FBXL5: variants seen among roughly 807,000 people sequenced by gnomAD.
FBXL5 encodes F-box/LRR-repeat protein 5.
FBXL5 carries 26 observed loss-of-function variants against 78.3 expected under a neutral mutation model. The ratio of observed to expected loss-of-function variants is 0.33; its 90% confidence interval spans 0.24 to 0.46. FBXL5 has a LOEUF of 0.46. Ranked by LOEUF, FBXL5 falls within the 20% of genes least tolerant of loss-of-function variation. The pLI, the probability that FBXL5 is intolerant of heterozygous loss-of-function variation, is 1.00. For missense variants in FBXL5, 710 were observed against 829.2 expected, an observed-to-expected ratio of 0.86 and a Z score of 1.77; for synonymous variants, 295 against 282.5, an observed-to-expected ratio of 1.04 and a Z score of -0.45.
At chr4:15,622,701 T>A (rs1055352613) in intron 9 of FBXL5, among the ~76,000 whole-genome samples, 2 of 152,202 alleles carry the variant, frequency 1.3e-5, no homozygotes, top group South Asian at 2.1e-4. Flanking sequence ...GTGCAAGAAA[T>A]GTAGTAGGTG....
chr4:15,656,441 C>T (rs1199652016), upstream of FBXL5: 1 of 378,172 alleles, frequency 2.6e-6, no homozygotes, highest in Non-Finnish European at 5.2e-6. Context: ...GGGCAAGAAC[C>T]AGATATGCTG....
intron 2 of FBXL5, among the ~76,000 whole-genome samples, 182 bp downstream of exon 2, chr4:15,644,311 T>C (rs1715164060): frequency 6.6e-6 from 1 of 152,212 alleles, no homozygotes; most frequent in African/African-American, 2.4e-5. Context: ...CTCTCTCCAC[T>C]ACTGCAAACT....
In FBXL5 at chr4:15,666,537, CAA is replaced by C. The variant is rs549948370; in HGVS notation, c.-283-6617_-283-6616del. ...GGAATGAGTTGTTGATCAAAGCATG[CAA>C]AGTGTCAGGTAGACAGGAGGAATAG... On this transcript the variant is annotated intron_variant, in intron 1 of 4. Coordinates refer to the FBXL5 transcript ENST00000507899. Among the ~76,000 whole-genome samples, 290 of 150,492 alleles carry C rather than the reference CAA, an allele frequency of 1.9e-3. 1 individual carries two copies. Among genetic ancestry groups the C allele is most frequent in the African/African-American group, 6.6e-3 (272 of 41,460 alleles).
intron 10 of FBXL5, among the ~76,000 whole-genome samples, 191 bp from the exon 11 acceptor site, chr4:15,605,990 T>C (rs1046951883): frequency 3.3e-5 from 5 of 152,226 alleles, no homozygotes; most frequent in Admixed American, 1.3e-4. Flanking sequence ...TTAATTAATA[T>C]ATCCTTCATG....
intron 2 of FBXL5, chr4:15,641,685 G>C (rs1053217128): frequency 1.8e-5 from 8 of 442,978 alleles, no homozygotes; most frequent in Non-Finnish European, 3.1e-5. Flanking sequence ...ACAGCACAGG[G>C]TGTTGGCAAC....
chr4:15,625,004 CTAAG>C (rs1560218163), intron 9 of FBXL5, among the ~76,000 whole-genome samples: 1 of 152,182 alleles, frequency 6.6e-6, no homozygotes, highest in Non-Finnish European at 1.5e-5. Flanking sequence ...TAGCCATTTA[CTAAG>C]TATTTATTAA....
chr4:15,636,271 A>G (rs1352580563), intron 5 of FBXL5: 2 of 391,270 alleles, frequency 5.1e-6, no homozygotes, highest in Admixed American at 4.1e-5. Flanking sequence ...TCCCACAAAT[A>G]TATTTTCCTA....
intron 1 of FBXL5, among the ~76,000 whole-genome samples, chr4:15,652,805 T>TTAC (rs1453169532): frequency 6.6e-6 from 1 of 152,202 alleles, no homozygotes; most frequent in Non-Finnish European, 1.5e-5. Context: ...GAGCCCAAAT[T>TTAC]TGTACAGTGA....
chr4:15,666,407 A>G (rs1336309223), intron 1 of FBXL5, among the ~76,000 whole-genome samples: 1 of 152,112 alleles, frequency 6.6e-6, no homozygotes, highest in African/African-American at 2.4e-5. Flanking sequence ...CTAAAAAAAT[A>G]AAATAAAGAC....
chr4:15,660,696 T>C (rs1430885156), upstream of FBXL5, among the ~76,000 whole-genome samples: 3 of 152,184 alleles, frequency 2.0e-5, no homozygotes, highest in South Asian at 2.1e-4. Flanking sequence ...TATTAATACA[T>C]ATTAATTAAT....
intron 9 of FBXL5, among the ~76,000 whole-genome samples, chr4:15,615,563 C>T (rs1159744867): frequency 2.7e-5 from 4 of 149,814 alleles, no homozygotes; most frequent in Non-Finnish European, 3.0e-5. Context: ...CCAATCGGCA[C>T]TCTGTATCTA....
At chr4:15,648,013 C>T (rs1257078237) in intron 1 of FBXL5, among the ~76,000 whole-genome samples, 1 of 152,120 alleles carries the variant, frequency 6.6e-6, no homozygotes, top group Non-Finnish European at 1.5e-5. Context: ...GTGGTGTGCA[C>T]CACACCCAGT....
chr4:15,609,053 A>G (rs945942664), intron 10 of FBXL5, among the ~76,000 whole-genome samples: 1 of 152,184 alleles, frequency 6.6e-6, no homozygotes, highest in African/African-American at 2.4e-5. Flanking sequence ...GACAACAGAA[A>G]AGGTGAGGGA....
intron 1 of FBXL5, among the ~76,000 whole-genome samples, chr4:15,649,952 A>C (rs1217798750): frequency 6.6e-6 from 1 of 152,218 alleles, no homozygotes; most frequent in Non-Finnish European, 1.5e-5. Flanking sequence ...TTCTACATAC[A>C]CAATGTTAGT....
chr4:15,641,407 A>G (rs1255099853), intron 2 of FBXL5: 1 of 351,158 alleles, frequency 2.8e-6, no homozygotes, highest in South Asian at 2.3e-5. Flanking sequence ...CAGCCTACTC[A>G]ATGTGAAGAC....
upstream of FBXL5, among the ~76,000 whole-genome samples, chr4:15,662,627 C>T (rs149865188): frequency 8.4e-3 from 1,276 of 152,296 alleles, 9 homozygotes; most frequent in Non-Finnish European, 0.012. Context: ...GTGAGCCTCT[C>T]GTCACCATTC....
intron 1 of FBXL5, among the ~76,000 whole-genome samples, chr4:15,669,489 G>A (rs375508960): frequency 2.0e-5 from 3 of 151,972 alleles, no homozygotes; most frequent in Non-Finnish European, 2.9e-5. Flanking sequence ...TTTTTTAAAC[G>A]TTGTGCTACT....
At chr4:15,654,520 T>C (rs1716578773) in intron 1 of FBXL5, among the ~76,000 whole-genome samples, 1 of 152,164 alleles carries the variant, frequency 6.6e-6, no homozygotes, top group Admixed American at 6.5e-5. Context: ...ATTGCTGTCT[T>C]ATAACAAAAT....
chr4:15,655,412 T>A (rs1416140640), upstream of FBXL5: 2 of 991,240 alleles, frequency 2.0e-6, no homozygotes, highest in African/African-American at 3.7e-5. Context: ...GCGCGCCCGG[T>A]CGGCTTGGCC....
Sources: gnomAD v4.1 joint callset for allele counts (sites outside exome capture counted in the v4.1 genomes callset) on GRCh38, gnomAD v4.1.1 for gene constraint, MANE v1.5 for transcripts, NCBI Gene and HGNC (gene_info 2026-07-23, HGNC 2026-07-21) for gene names.